Variants in THSD7A observed in about 807,000 individuals in gnomAD.
THSD7A encodes the protein thrombospondin type-1 domain-containing protein 7A.
THSD7A carries 96 observed loss-of-function variants against 231.3 expected under a neutral mutation model. The observed-to-expected ratio is 0.41, with a 90% confidence interval of 0.35 to 0.49. THSD7A has a LOEUF of 0.49. Ranked by LOEUF, THSD7A falls within the 20% of genes least tolerant of loss-of-function variation. THSD7A has a pLI of 0.05. For synonymous variants in THSD7A, 940 were observed against 743.3 expected (o/e 1.26, Z -4.30); for missense variants, 2,290 against 2,070.2 (o/e 1.11, Z -2.06).
chr7:11,637,727 T>A lies in THSD7A; in HGVS notation c.191-766A>T, dbSNP rs1781924332. On this transcript the variant is annotated intron_variant, in intron 1 of 27. Coordinates refer to ENST00000423059, the MANE Select transcript of THSD7A (RefSeq NM_015204.3). This position sits in a 1 kb window ranked among gnomAD's most constrained non-coding sequence, Gnocchi z 4.2. Reference sequence around the variant, plus strand: ...CATTTCTTAAACATGAACTATTTGGTATTACAGAGCTGTTTGATGTGATAC... The same window carrying A: ...CATTTCTTAAACATGAACTATTTGGAATTACAGAGCTGTTTGATGTGATAC... Among the ~76,000 whole-genome samples the A allele has an allele frequency of 1.3e-5, 2 of 152,208 alleles. No homozygotes were observed. Among genetic ancestry groups the A allele is most frequent in the Non-Finnish European group, 2.9e-5 (2 of 68,034 alleles).
chr7:11,435,618 C>A (rs1784608602), intron 13 of THSD7A, among the ~76,000 whole-genome samples: 1 of 151,996 alleles, frequency 6.6e-6, no homozygotes. Flanking sequence ...ATGCCTCCTG[C>A]CTCCACTAAA....
chr7:11,750,420 G>C (rs947748952), intron 1 of THSD7A, among the ~76,000 whole-genome samples: 1 of 151,910 alleles, frequency 6.6e-6, no homozygotes, highest in African/African-American at 2.4e-5. Flanking sequence ...TCGAAAAAAG[G>C]AAGTCCTAGT....
chr7:11,701,962 T>C (rs891914405), intron 1 of THSD7A, among the ~76,000 whole-genome samples: 1 of 151,124 alleles, frequency 6.6e-6, no homozygotes, highest in African/African-American at 2.4e-5. Context: ...ATGTCTCATG[T>C]CAAGCAATTG....
At chr7:11,612,387 C>T (rs1486569416) in intron 2 of THSD7A, among the ~76,000 whole-genome samples, 1 of 152,164 alleles carries the variant, frequency 6.6e-6, no homozygotes, top group East Asian at 1.9e-4. Flanking sequence ...AATGCAGAAA[C>T]AGTTCTCGTC....
At chr7:11,557,892 A>T (rs1225931124) in intron 4 of THSD7A, among the ~76,000 whole-genome samples, 1 of 152,100 alleles carries the variant, frequency 6.6e-6, no homozygotes, top group Non-Finnish European at 1.5e-5. Context: ...ACAGTATCAC[A>T]AGGGTGAAAA....
intron 2 of THSD7A, among the ~76,000 whole-genome samples, chr7:11,596,571 G>A (rs1465557652): frequency 6.6e-6 from 1 of 152,194 alleles, no homozygotes; most frequent in Non-Finnish European, 1.5e-5. Flanking sequence ...CATTAGAGCT[G>A]CCTCTACCTA....
intron 2 of THSD7A, among the ~76,000 whole-genome samples, chr7:11,623,877 G>A (rs185328438): frequency 9.2e-5 from 14 of 152,180 alleles, no homozygotes; most frequent in African/African-American, 2.4e-4. Flanking sequence ...CCTGACTTTC[G>A]TCTATTGAGG....
intron 22 of THSD7A, among the ~76,000 whole-genome samples, chr7:11,405,946 C>G (rs1013289706): frequency 3.3e-5 from 5 of 152,196 alleles, no homozygotes; most frequent in African/African-American, 9.6e-5. Flanking sequence ...ATTGGCCTCT[C>G]TTTCTCTCTT....
chr7:11,527,558 G>A (rs1164692489), intron 6 of THSD7A, among the ~76,000 whole-genome samples: 4 of 152,078 alleles, frequency 2.6e-5, no homozygotes, highest in African/African-American at 9.7e-5. Flanking sequence ...ATTTTACTTT[G>A]CACTCTATCA....
At chr7:11,799,122 C>T (rs1216007186) in intron 1 of THSD7A, among the ~76,000 whole-genome samples, 1 of 152,094 alleles carries the variant, frequency 6.6e-6, no homozygotes, top group Non-Finnish European at 1.5e-5. Context: ...GGGGTTTCAC[C>T]ATGTTGGCCA....
At chr7:11,380,302 G>A (rs1272499420) in intron 24 of THSD7A, among the ~76,000 whole-genome samples, 7 of 152,110 alleles carry the variant, frequency 4.6e-5, no homozygotes, top group East Asian at 3.9e-4. Flanking sequence ...TGTTTATCTC[G>A]TTTATTTTCA....
chr7:11,475,370 G>A (rs140119704), intron 7 of THSD7A, among the ~76,000 whole-genome samples: 7 of 151,984 alleles, frequency 4.6e-5, no homozygotes, highest in Non-Finnish European at 8.8e-5. Flanking sequence ...GAGATTCTGC[G>A]GCAGCACAGC....
intron 1 of THSD7A, among the ~76,000 whole-genome samples, chr7:11,774,782 C>T (rs1474804533): frequency 2.0e-5 from 3 of 152,162 alleles, no homozygotes; most frequent in African/African-American, 7.2e-5. Context: ...AGGCCAGGTG[C>T]TATGGCTCAC....
intron 4 of THSD7A, among the ~76,000 whole-genome samples, chr7:11,543,748 T>C (rs1414975734): frequency 6.6e-6 from 1 of 152,250 alleles, no homozygotes; most frequent in African/African-American, 2.4e-5. Flanking sequence ...TGCTAATTTA[T>C]AATTATCTAC....
At chr7:11,818,687 G>A (rs370177135) in intron 1 of THSD7A, among the ~76,000 whole-genome samples, 4 of 152,134 alleles carry the variant, frequency 2.6e-5, no homozygotes, top group Admixed American at 6.5e-5. Flanking sequence ...ACCAGAGTCC[G>A]CTAGGGATAC....
intron 1 of THSD7A, among the ~76,000 whole-genome samples, chr7:11,748,504 A>C: frequency 6.6e-6 from 1 of 152,144 alleles, no homozygotes; most frequent in South Asian, 2.1e-4. Flanking sequence ...GAATATTTTA[A>C]AGATACATGT....
chr7:11,479,632 A>C (rs1786338433), intron 7 of THSD7A, among the ~76,000 whole-genome samples: 1 of 148,000 alleles, frequency 6.8e-6, no homozygotes, highest in Non-Finnish European at 1.5e-5. Flanking sequence ...GTTCAGAATT[A>C]GGAAAGATTT....
chr7:11,595,471 G>C (rs1780327919), intron 2 of THSD7A, among the ~76,000 whole-genome samples: 1 of 152,086 alleles, frequency 6.6e-6, no homozygotes, highest in Non-Finnish European at 1.5e-5. Flanking sequence ...GGTTCTAATG[G>C]TTTATTTGCT....
chr7:11,483,535 T>TA (rs1239730702), intron 6 of THSD7A, among the ~76,000 whole-genome samples: 1 of 152,114 alleles, frequency 6.6e-6, no homozygotes, highest in Non-Finnish European at 1.5e-5. Context: ...GTATCCCAAT[T>TA]AAAAAAATGT....
Sources: gnomAD v4.1 joint callset for allele counts (sites outside exome capture counted in the v4.1 genomes callset) on GRCh38, gnomAD v4.1.1 for gene constraint, Gnocchi (gnomAD v3.1) non-coding constraint, MANE v1.5 for transcripts, NCBI Gene and HGNC (gene_info 2026-07-23, HGNC 2026-07-21) for gene names.